BCORL1: variants seen among roughly 807,000 people sequenced by gnomAD.
The protein encoded by BCORL1 is BCL6 corepressor like 1.
A neutral mutation model predicts 87.6 loss-of-function variants in BCORL1; 7 were observed. That is an observed-to-expected ratio of 0.08 (90% confidence interval 0.05 to 0.15). The LOEUF is 0.15. Ranked by LOEUF, BCORL1 falls within the 10% of genes least tolerant of loss-of-function variation. The pLI, the probability that BCORL1 is intolerant of heterozygous loss-of-function variation, is 1.00. For synonymous variants in BCORL1, 591 were observed against 634.4 expected (o/e 0.93, Z 1.03); for missense variants, 1,215 against 1,499.7 (o/e 0.81, Z 3.13).
intron 11 of BCORL1, among the ~76,000 whole-genome samples, chrX:130,043,543 C>T (rs767192121): frequency 4.0e-4 from 43 of 107,769 alleles, no homozygotes; most frequent in Middle Eastern, 4.9e-3. Flanking sequence ...CCTCCTCAGC[C>T]CCTACACCTA....
intron 2 of BCORL1, among the ~76,000 whole-genome samples, chrX:130,007,658 C>T (rs1049018598): frequency 4.5e-5 from 5 of 111,941 alleles, no homozygotes; most frequent in Admixed American, 2.8e-4. Context: ...ATTAGCCAGG[C>T]ATGGTGGTGT....
rs771570017 is a variant in BCORL1 at position 130,039,203 on chromosome X, C to T, written c.4761C>T (p.Ala1587=). ...TCTGGCTCCTGCTGTCCTATGGGGC[C>T]GATCCCACACTGGCTACCTACTCGG... ...ETIWLLLSYG[A]DPTLATYSGQ... Residue 1587 remains alanine (A), a synonymous_variant, in exon 11 of 14, where the codon GCC becomes GCT. Coordinates refer to ENST00000540052, the MANE Select transcript of BCORL1 (RefSeq NM_001379451.1). 9.1e-6 allele frequency: 11 copies of T among 1,209,129 alleles called. No individual in the cohort carries two copies. The Admixed American group carries it at 1.5e-4, about 17-fold the overall frequency.
At chrX:129,983,848 A>C (rs1451984110) in intron 1 of BCORL1, among the ~76,000 whole-genome samples, 1 of 110,157 alleles carries the variant, frequency 9.1e-6, no homozygotes, top group Non-Finnish European at 1.9e-5. Context: ...CCTGGAGGCA[A>C]GGGGTCGGCG....
intron 1 of BCORL1, among the ~76,000 whole-genome samples, chrX:129,999,804 G>C (rs1674229010): frequency 9.1e-6 from 1 of 109,571 alleles, no homozygotes; most frequent in African/African-American, 3.3e-5. Flanking sequence ...CCTCCGAGTA[G>C]CTGAGATTAC....
upstream of BCORL1, chrX:129,981,697 G>A (rs191072675): frequency 9.3e-6 from 1 of 107,399 alleles, no homozygotes; most frequent in Non-Finnish European, 1.9e-5. Flanking sequence ...AGGACGGCTA[G>A]CCTTGGAGGG....
chrX:130,014,899 G>T lies in BCORL1; in HGVS notation c.2127G>T (p.Leu709=). The T allele has an allele frequency of 8.3e-7, 1 of 1,211,694 alleles. No individual in the cohort carries two copies. The highest frequency in any genetic ancestry group is 1.1e-6 in the Non-Finnish European group (1 of 895,511). The change falls in exon 4 of 14, where the codon CTG becomes CTT. Residue 709 remains leucine, a synonymous_variant. Coordinates refer to ENST00000540052, the MANE Select transcript of BCORL1 (RefSeq NM_001379451.1). ...CCTGGGTGAAGAACTCAACTGCACT[G>T]ATCAGCACCATTCCTGGCACCTACG... ...PSTWVKNSTA[L]ISTIPGTYVG... is the part of the protein sequence containing the mutation.
chrX:129,998,264 C>G (rs1034904850), intron 1 of BCORL1, among the ~76,000 whole-genome samples: 1 of 108,906 alleles, frequency 9.2e-6, no homozygotes, highest in Non-Finnish European at 1.9e-5. Context: ...CCTGTGCTTC[C>G]TGGGTCATTT....
chrX:130,050,410 T>C (rs1334615959), intron 11 of BCORL1, among the ~76,000 whole-genome samples: 1 of 110,153 alleles, frequency 9.1e-6, no homozygotes, highest in African/African-American at 3.3e-5. Flanking sequence ...GCACTCTGGG[T>C]GGCAGAGCAA....
At chrX:130,048,500 G>T (rs1232359722) in intron 11 of BCORL1, among the ~76,000 whole-genome samples, 1 of 111,933 alleles carries the variant, frequency 8.9e-6, no homozygotes. Flanking sequence ...AAAGCCAATG[G>T]ACCTACTTTT....
Position 130,013,134 on chromosome X carries a change from G to T in BCORL1, c.362G>T (p.Gly121Val). The T allele has an allele frequency of 8.3e-7, 1 of 1,210,958 alleles. No homozygotes were observed. The highest frequency in any genetic ancestry group is 1.1e-6 in the Non-Finnish European group (1 of 894,644). ...GTGCCCCTGAGCAGCCCAGGAGACG[G>T]GCTCAAGCTTCCCGCATCTGACAGC... Reference protein sequence around the residue: ...LLVPLSSPGDGLKLPASDSAE... With the variant: ...LLVPLSSPGDVLKLPASDSAE... The change falls in exon 4 of 14, where the codon GGG (glycine) becomes GTG (valine). Residue 121 changes from glycine to valine, a missense_variant. Coordinates refer to ENST00000540052, the MANE Select transcript of BCORL1 (RefSeq NM_001379451.1).
In BCORL1 at chrX:130,013,063, A is replaced by G. The variant is rs772534414; in HGVS notation, c.291A>G (p.Pro97=). The G allele has an allele frequency of 1.7e-6, 2 of 1,209,636 alleles. No individual in the cohort carries two copies. The highest frequency in any genetic ancestry group is 1.7e-5 in the African/African-American group (1 of 57,478). ...AAGACAAGCCTGACGATCCCCAGCC[A>G]AAAATGGACTACGCTGGGAACGTGG... is the stretch of plus-strand genomic sequence containing the variant. ...KSEDKPDDPQ[P]KMDYAGNVAE... The change falls in exon 4 of 14, where the codon CCA becomes CCG. Residue 97 remains proline (P), a synonymous_variant. Coordinates refer to ENST00000540052, the MANE Select transcript of BCORL1 (RefSeq NM_001379451.1).
At chrX:129,999,203 C>T (rs1342493352) in intron 1 of BCORL1, among the ~76,000 whole-genome samples, 1 of 104,776 alleles carries the variant, frequency 9.5e-6, no homozygotes, top group Non-Finnish European at 1.9e-5. Context: ...TAGAGCAATA[C>T]GAAACCTGAG....
At chrX:130,040,050 C>T (rs1344084131) in intron 11 of BCORL1, among the ~76,000 whole-genome samples, 1 of 112,701 alleles carries the variant, frequency 8.9e-6, no homozygotes, top group African/African-American at 3.2e-5. Flanking sequence ...AACCCTGCCT[C>T]TTAGTGACAT....
chrX:130,011,793 T>G (rs1021986574), intron 2 of BCORL1, among the ~76,000 whole-genome samples: 1 of 105,360 alleles, frequency 9.5e-6, no homozygotes, highest in African/African-American at 3.5e-5. Context: ...GAGAACAAAG[T>G]GGTGCTGGGA....
intron 13 of BCORL1, among the ~76,000 whole-genome samples, chrX:130,055,074 G>A (rs1932287889): frequency 9.0e-6 from 1 of 111,317 alleles, no homozygotes; most frequent in Admixed American, 9.5e-5. Context: ...TAGTGAGGAG[G>A]GAAAACCCTG....
Position 130,043,780 on chromosome X carries a change from A to AT in BCORL1, c.4840+4499dup, listed in dbSNP as rs1225149554. On this transcript the variant is annotated intron_variant, in intron 11 of 13. Transcript: ENST00000540052. ...TATATATATATATATATATATATAT[A>AT]TATATTTTTTTTTTTTTTTTTTTTT... Among the ~76,000 whole-genome samples the AT allele has an allele frequency of 1.2e-3, 27 of 21,742 alleles. 1 individual carries two copies. Among genetic ancestry groups the AT allele is most frequent in the African/African-American group, 8.0e-3 (24 of 2,990 alleles). The allele number at this position is 21,742 out of a possible 115,157, so 18.9% of individuals were successfully genotyped here.
At chrX:130,031,907 A>G (rs1006223460) in intron 8 of BCORL1, among the ~76,000 whole-genome samples, 4 of 111,750 alleles carry the variant, frequency 3.6e-5, no homozygotes, top group African/African-American at 1.3e-4. Context: ...ATCTAGCAGG[A>G]GAGGTGAGAC....
chrX:130,043,746 T>C (rs1157301166), intron 11 of BCORL1, among the ~76,000 whole-genome samples: 1 of 17,483 alleles, frequency 5.7e-5, no homozygotes, highest in Non-Finnish European at 8.0e-5. Flanking sequence ...AGCTAATTTG[T>C]TATATATATA....
rs952996306 is a variant in BCORL1 at position 130,051,994 on chromosome X, C to G, written c.5053C>G (p.Leu1685Val). 66 of 1,198,024 alleles carry G rather than the reference C, an allele frequency of 5.5e-5. 1 individual carries two copies. The Admixed American group carries it at 1.5e-3, about 27-fold the overall frequency. ...SDKPLLPCYN[L>V]QVSVSRGPCN... ...CAAGCCTCTTCTCCCTTGCTACAAC[C>G]TCCAAGTGTCAGTGTCCCGCGGGTA... The change falls in exon 13 of 14, where the codon CTC becomes GTC. Residue 1685 changes from leucine to valine, a missense_variant. Physicochemically the swap from Leu to Val is conservative, Grantham distance 32 (BLOSUM62 1). Around this residue, in one of 5 missense-constraint regions of BCORL1, gnomAD observed 129 missense variants for 157.5 expected, o/e 0.82. Transcript: ENST00000540052.
Sources: allele counts gnomAD v4.1 joint callset (sites outside exome capture counted in the v4.1 genomes callset), GRCh38; gene constraint gnomAD v4.1.1; regional missense constraint gnomAD v4.1.1; transcripts MANE v1.5; gene names NCBI Gene and HGNC (gene_info 2026-07-23, HGNC 2026-07-21).